Variants in IGFL2 observed in about 807,000 individuals in gnomAD.
The protein encoded by IGFL2 is IGF like family member 2.
IGFL2 carries 7 observed loss-of-function variants against 13.9 expected under a neutral mutation model. The ratio of observed to expected loss-of-function variants is 0.51; its 90% CI spans 0.29 to 0.95. IGFL2 has a LOEUF of 0.95. Ranked by LOEUF, IGFL2 falls within the 40% of genes least tolerant of loss-of-function variation. The probability of loss-of-function intolerance (pLI) is 0.08; values close to 1 mark genes in which losing one functional copy is unlikely to be tolerated. For synonymous variants in IGFL2, 55 were observed against 55.8 expected (o/e 0.99, Z 0.07); for missense variants, 138 against 147.8 (o/e 0.93, Z 0.34).
the IGFL2 span, among the ~76,000 whole-genome samples, chr19:46,082,629 A>ATTT: frequency 4.2e-5 from 6 of 142,270 alleles, no homozygotes; most frequent in Admixed American, 7.0e-5. Flanking sequence ...CTGTGTCTCC[A>ATTT]TTTTTTTTTT....
the IGFL2 span, among the ~76,000 whole-genome samples, chr19:46,177,153 T>C: frequency 6.6e-6 from 1 of 151,982 alleles, no homozygotes; most frequent in Non-Finnish European, 1.5e-5. Context: ...TTACAGCTAC[T>C]CGGGAGGCTG....
the IGFL2 span, chr19:46,124,307 T>C: frequency 5.0e-6 from 8 of 1,610,504 alleles, 1 homozygote; most frequent in Admixed American, 1.7e-5. Flanking sequence ...AAGACTGTTA[T>C]CCAGCAGACA....
chr19:46,094,512 T>TG, the IGFL2 span, among the ~76,000 whole-genome samples: 1 of 152,068 alleles, frequency 6.6e-6, no homozygotes, highest in African/African-American at 2.4e-5. Context: ...TCTTTTTTTT[T>TG]TGTGTGTTTT....
the IGFL2 span, among the ~76,000 whole-genome samples, chr19:46,205,656 C>T: frequency 6.6e-6 from 1 of 152,124 alleles, no homozygotes; most frequent in Non-Finnish European, 1.5e-5. Flanking sequence ...CTATTAAACC[C>T]CTGCTCCTAA....
chr19:46,117,285 A>G, the IGFL2 span, among the ~76,000 whole-genome samples: 3 of 152,120 alleles, frequency 2.0e-5, no homozygotes, highest in African/African-American at 4.8e-5. Context: ...AGGTGTCACT[A>G]TGTTGCCCAG....
chr19:46,083,489 CTA>C, the IGFL2 span, among the ~76,000 whole-genome samples: 1 of 152,124 alleles, frequency 6.6e-6, no homozygotes, highest in South Asian at 2.1e-4. Flanking sequence ...AATTCAGACA[CTA>C]TGTTGTAAAC....
downstream of IGFL2, among the ~76,000 whole-genome samples, chr19:46,161,975 G>T (rs1974192501): frequency 6.6e-6 from 1 of 152,166 alleles, no homozygotes; most frequent in Admixed American, 6.5e-5. Flanking sequence ...TCTATATTTA[G>T]TGCTCCTTGC....
chr19:46,190,444 A>G, the IGFL2 span: 1 of 152,388 alleles, frequency 6.6e-6, no homozygotes, highest in Non-Finnish European at 1.5e-5. Flanking sequence ...AGAGTCCTTG[A>G]GCAAAGTCTT....
the IGFL2 span, among the ~76,000 whole-genome samples, chr19:46,090,164 C>A: frequency 6.6e-6 from 1 of 151,732 alleles, no homozygotes; most frequent in Non-Finnish European, 1.5e-5. Context: ...AAATTTTGTT[C>A]ATTGTATTTT....
At chr19:46,092,639 C>CA in the IGFL2 span, among the ~76,000 whole-genome samples, 26 of 148,204 alleles carry the variant, frequency 1.8e-4, no homozygotes, top group African/African-American at 4.2e-4. Context: ...GACCCTGTCT[C>CA]AAAAAAAAAA....
the IGFL2 span, among the ~76,000 whole-genome samples, chr19:46,094,301 A>C: frequency 0.013 from 2,018 of 152,160 alleles, 32 homozygotes; most frequent in Middle Eastern, 0.027. Flanking sequence ...ATTGAGTTTT[A>C]CTTTTTATCA....
chr19:46,174,396 A>G, the IGFL2 span, among the ~76,000 whole-genome samples: 4 of 152,204 alleles, frequency 2.6e-5, no homozygotes, highest in African/African-American at 9.6e-5. Flanking sequence ...GATTACAATT[A>G]TGTAAGAACT....
the IGFL2 span, among the ~76,000 whole-genome samples, chr19:46,105,251 T>A: frequency 6.6e-6 from 1 of 152,062 alleles, no homozygotes; most frequent in Non-Finnish European, 1.5e-5. Flanking sequence ...ATATTTAGAG[T>A]CTGTATAAAT....
At chr19:46,182,083 TCTGGA>T in the IGFL2 span, among the ~76,000 whole-genome samples, 1 of 152,096 alleles carries the variant, frequency 6.6e-6, no homozygotes, top group Non-Finnish European at 1.5e-5. Context: ...GATAAAGAAT[TCTGGA>T]CCAGGCGCAG....
At chr19:46,205,966 A>G in the IGFL2 span, among the ~76,000 whole-genome samples, 1 of 152,178 alleles carries the variant, frequency 6.6e-6, no homozygotes, top group African/African-American at 2.4e-5. Flanking sequence ...TGACTGAGGA[A>G]GGGCTGGGAA....
chr19:46,126,392 A>G, the IGFL2 span, among the ~76,000 whole-genome samples: 1 of 152,202 alleles, frequency 6.6e-6, no homozygotes, highest in Admixed American at 6.5e-5. Flanking sequence ...ACTGCAAGTT[A>G]TCATTGAACT....
intron 1 of IGFL2, 48 bp downstream of exon 1, chr19:46,148,345 T>G: frequency 6.8e-7 from 1 of 1,481,412 alleles, no homozygotes; most frequent in South Asian, 1.2e-5. Context: ...CTGTTATCCC[T>G]AATGTACCTC....
chr19:46,213,996 T>C, the IGFL2 span: 1 of 152,566 alleles, frequency 6.6e-6, no homozygotes, highest in South Asian at 2.1e-4. Context: ...ATGTAGGCGC[T>C]CAAGGCACCG....
chr19:46,125,892 TATC>T, the IGFL2 span, among the ~76,000 whole-genome samples: 1 of 152,192 alleles, frequency 6.6e-6, no homozygotes, highest in African/African-American at 2.4e-5. Flanking sequence ...AATATACAAT[TATC>T]ATTCTTATTC....
Sources: allele counts gnomAD v4.1 joint callset (sites outside exome capture counted in the v4.1 genomes callset), GRCh38; gene constraint gnomAD v4.1.1; transcripts MANE v1.5; gene names NCBI Gene and HGNC (gene_info 2026-07-23, HGNC 2026-07-21).